Variants in BBX observed in about 807,000 individuals in gnomAD.
The protein encoded by BBX is BBX high mobility group box domain containing, also known as HMG box transcription factor BBX.
A neutral mutation model predicts 100.2 loss-of-function variants in BBX; 30 were observed. That is an observed-to-expected ratio of 0.30 (90% CI 0.22 to 0.41). The LOEUF (loss-of-function observed/expected upper bound fraction) is 0.41, where lower values mean the gene tolerates loss of function less well. Among genes scored for constraint, BBX ranks in the 10% least tolerant of loss-of-function variants. The pLI is 1.00. For synonymous variants in BBX, 376 were observed against 388.1 expected (o/e 0.97, Z 0.37); for missense variants, 1,023 against 1,129.8 (o/e 0.91, Z 1.35).
intron 17 of BBX, among the ~76,000 whole-genome samples, chr3:107,802,128 C>G (rs144193631): frequency 1.3e-5 from 2 of 152,150 alleles, no homozygotes; most frequent in East Asian, 1.9e-4. Context: ...ATTTTATATT[C>G]CTATTCAAAG....
chr3:107,757,196 A>G (rs1176937868), intron 10 of BBX, among the ~76,000 whole-genome samples: 1 of 151,856 alleles, frequency 6.6e-6, no homozygotes, highest in Non-Finnish European at 1.5e-5. Context: ...ACCTTTAAAC[A>G]GTTTTTTTTT....
intron 3 of BBX, among the ~76,000 whole-genome samples, chr3:107,673,602 AC>A (rs973872606): frequency 6.6e-6 from 1 of 152,118 alleles, no homozygotes; most frequent in African/African-American, 2.4e-5. Context: ...TGAAAATAAT[AC>A]TGATTAAAAG....
At chr3:107,755,868 T>C (rs1374490821) in intron 10 of BBX, among the ~76,000 whole-genome samples, 190 bp downstream of exon 10, 1 of 152,200 alleles carries the variant, frequency 6.6e-6, no homozygotes, top group Admixed American at 6.5e-5. Flanking sequence ...CATTAAGCAT[T>C]GCTAAAGGTT....
chr3:107,713,318 T>C (rs2061851685), intron 4 of BBX, among the ~76,000 whole-genome samples: 1 of 152,150 alleles, frequency 6.6e-6, no homozygotes, highest in Non-Finnish European at 1.5e-5. Flanking sequence ...GGTTTTCTAG[T>C]TTGGGTTGCT....
At chr3:107,585,368 T>A (rs1015525756) in intron 2 of BBX, among the ~76,000 whole-genome samples, 2 of 152,086 alleles carry the variant, frequency 1.3e-5, no homozygotes, top group Non-Finnish European at 2.9e-5. Context: ...GGGGGTGAAA[T>A]TGACAGTAGT....
intron 2 of BBX, among the ~76,000 whole-genome samples, chr3:107,529,817 T>C (rs1324629079): frequency 1.3e-5 from 2 of 152,134 alleles, no homozygotes; most frequent in Non-Finnish European, 2.9e-5. Context: ...TAATGGGGAT[T>C]GTCTTCATTT....
chr3:107,648,329 T>C (rs180774124), intron 3 of BBX, among the ~76,000 whole-genome samples: 1 of 152,240 alleles, frequency 6.6e-6, no homozygotes, highest in East Asian at 1.9e-4. Context: ...TATAATAGAC[T>C]TACATTATTC....
rs59614452 is a variant in BBX, at chr3:107,616,005, CTTTTTTTTTTTTTTTTTTT to C, written c.-83-29812_-83-29794del. Reference sequence around the variant, plus strand: ...AGGAGAAGCACACGCTACTCACCTGCTTTTTTTTTTTTTTTTTTTTTTTTTTTTTTTTTTTTTGCTGTTG... The same window carrying C: ...AGGAGAAGCACACGCTACTCACCTGCTTTTTTTTTTTTTTTTTTGCTGTTG... On this transcript the variant is annotated intron_variant, in intron 2 of 17. Coordinates refer to ENST00000325805, the MANE Select transcript of BBX (RefSeq NM_001142568.3). Among the ~76,000 whole-genome samples, 20 of 19,248 alleles carry C rather than the reference CTTTTTTTTTTTTTTTTTTT, an allele frequency of 1.0e-3. 1 individual carries two copies. The highest frequency in any genetic ancestry group is 7.7e-3 in the South Asian group (4 of 522). The allele number at this position is 19,248 out of a possible 152,430, so 12.6% of individuals were successfully genotyped here.
intron 6 of BBX, among the ~76,000 whole-genome samples, chr3:107,732,106 G>A (rs970111431): frequency 3.9e-5 from 6 of 152,060 alleles, no homozygotes; most frequent in African/African-American, 1.2e-4. Flanking sequence ...GGCCTGGGGT[G>A]CAGTGTTGCG....
chr3:107,559,964 G>A (rs1444544480), intron 2 of BBX, among the ~76,000 whole-genome samples: 1 of 151,948 alleles, frequency 6.6e-6, no homozygotes, highest in East Asian at 1.9e-4. Flanking sequence ...GGCTGGTCTC[G>A]AACTTCTGGG....
Position 107,772,818 on chromosome 3 carries a change from A to G in BBX, c.1097A>G (p.Asp366Gly). Residue 366 changes from aspartate to glycine, a missense_variant, in exon 11 of 18, where the codon GAT becomes GGT. This residue lies in a region of BBX where 348 missense variants were observed against 353.2 expected (regional missense o/e 0.99). Transcript: ENST00000325805. ...AAATCGGCTAAGGAAAATTTAAGAG[A>G]TTCTAAGGAATTGAGAAATTTTGAG... is the stretch of plus-strand genomic sequence containing the variant. ...FEKSAKENLRDSKELRNFEAL... is the reference protein window; with the variant it reads ...FEKSAKENLRGSKELRNFEAL... 1 of 1,613,660 alleles carries G rather than the reference A, an allele frequency of 6.2e-7. No homozygotes were observed. Among genetic ancestry groups the G allele is most frequent in the Non-Finnish European group, 8.5e-7 (1 of 1,179,864 alleles).
chr3:107,661,981 A>C (rs981460743), intron 3 of BBX: 16 of 841,200 alleles, frequency 1.9e-5, no homozygotes, highest in African/African-American at 1.8e-4. Context: ...ACTACTGTTC[A>C]CGCAGCATAG....
At chr3:107,716,499 G>T in intron 4 of BBX, 108 bp from the exon 5 acceptor site, 2 of 1,348,926 alleles carry the variant, frequency 1.5e-6, no homozygotes, top group Non-Finnish European at 2.0e-6. Flanking sequence ...TGTGTAAGTT[G>T]TTTAAATGGA....
intron 2 of BBX, among the ~76,000 whole-genome samples, chr3:107,573,872 A>G (rs2051568562): frequency 1.3e-5 from 2 of 152,196 alleles, no homozygotes; most frequent in Admixed American, 6.5e-5. Context: ...GATTACAGGC[A>G]TGTGACACCA....
intron 2 of BBX, among the ~76,000 whole-genome samples, chr3:107,604,775 A>AT (rs1188305485): frequency 2.4e-4 from 33 of 140,128 alleles, no homozygotes; most frequent in Admixed American, 7.0e-4. Flanking sequence ...CAGAATTTAC[A>AT]TTTTTCCTTT....
At chr3:107,610,919 C>T (rs1202018550) in intron 2 of BBX, among the ~76,000 whole-genome samples, 1 of 151,442 alleles carries the variant, frequency 6.6e-6, no homozygotes, top group African/African-American at 2.4e-5. Flanking sequence ...GTTTTGTGGT[C>T]CTCTTTTCTT....
chr3:107,556,435 A>G (rs939152551), intron 2 of BBX, among the ~76,000 whole-genome samples: 1 of 152,190 alleles, frequency 6.6e-6, no homozygotes, highest in Non-Finnish European at 1.5e-5. Flanking sequence ...GCAAACTTTC[A>G]GAGCCCTTCT....
chr3:107,751,719 T>C (rs1022540559), intron 9 of BBX, among the ~76,000 whole-genome samples: 2 of 152,132 alleles, frequency 1.3e-5, no homozygotes, highest in Admixed American at 1.3e-4. Flanking sequence ...AAAATCAGGA[T>C]TTAAAAAGAA....
intron 3 of BBX, among the ~76,000 whole-genome samples, chr3:107,697,065 T>C (rs2060660218): frequency 6.6e-6 from 1 of 151,650 alleles, no homozygotes; most frequent in African/African-American, 2.4e-5. Context: ...CTTTAAGCAC[T>C]TCTCTGTATT....
Sources: gnomAD v4.1 joint callset for allele counts (sites outside exome capture counted in the v4.1 genomes callset) on GRCh38, gnomAD v4.1.1 for gene constraint, gnomAD v4.1.1 regional missense constraint, MANE v1.5 for transcripts, NCBI Gene and HGNC (gene_info 2026-07-23, HGNC 2026-07-21) for gene names.